The following RAB11FIP1 variants were observed in gnomAD, a reference collection of about 807,000 sequenced individuals.
RAB11FIP1 encodes rab11 family-interacting protein 1.
In RAB11FIP1, 49 loss-of-function variants were observed where a neutral mutation model predicts 83.1. The ratio of observed to expected loss-of-function variants is 0.59; its 90% CI spans 0.47 to 0.75. The LOEUF (loss-of-function observed/expected upper bound fraction) is 0.75, where lower values mean the gene tolerates loss of function less well. Among genes scored for constraint, RAB11FIP1 ranks in the 30% least tolerant of loss-of-function variants. The pLI is 0.00. For missense variants in RAB11FIP1, 1,536 were observed against 1,598.7 expected (o/e 0.96, Z 0.67); for synonymous variants, 670 against 656.0 (o/e 1.02, Z -0.33).
intron 1 of RAB11FIP1, chr8:37,877,842 C>T (rs1806649990): frequency 3.7e-6 from 1 of 267,942 alleles, no homozygotes. Flanking sequence ...GCCTCAGCCT[C>T]CTGAGTAGCT....
At chr8:37,876,262 GAAGA>G (rs1554531493) in intron 2 of RAB11FIP1, among the ~76,000 whole-genome samples, 11 of 138,278 alleles carry the variant, frequency 8.0e-5, no homozygotes, top group East Asian at 4.2e-4. Context: ...AGGAAGGAAG[GAAGA>G]AAGAAGGAAA....
intron 1 of RAB11FIP1, 96 bp from the exon 2 acceptor site, chr8:37,877,647 C>T (rs1313307456): frequency 1.4e-6 from 1 of 737,856 alleles, no homozygotes; most frequent in Non-Finnish European, 2.3e-6. Context: ...CTGCTACCAG[C>T]AGCCTCTTCA....
At chr8:37,891,732 C>T (rs1806950697) in intron 1 of RAB11FIP1, among the ~76,000 whole-genome samples, 1 of 152,128 alleles carries the variant, frequency 6.6e-6, no homozygotes. Flanking sequence ...GGTTCACTTA[C>T]TTGAGAATTT....
chr8:37,873,276 G>A (rs571668423), intron 3 of RAB11FIP1, 97 bp from the exon 4 acceptor site: 36 of 1,321,040 alleles, frequency 2.7e-5, no homozygotes, highest in Middle Eastern at 5.4e-4. Flanking sequence ...AGGGGAGAAC[G>A]TCTTTACACG....
chr8:37,898,264 A>T (rs1278649166), intron 1 of RAB11FIP1, among the ~76,000 whole-genome samples: 1 of 152,002 alleles, frequency 6.6e-6, no homozygotes, highest in Non-Finnish European at 1.5e-5. Context: ...TAATCCCAAT[A>T]CTTTGGGAGG....
intron 1 of RAB11FIP1, among the ~76,000 whole-genome samples, chr8:37,878,911 G>A (rs1806679236): frequency 1.3e-5 from 2 of 152,056 alleles, no homozygotes; most frequent in African/African-American, 4.8e-5. Context: ...CTAGGAATTC[G>A]AGGCTGCAGT....
At chr8:37,873,472 G>T (rs1425853756) in intron 3 of RAB11FIP1, among the ~76,000 whole-genome samples, 2 of 152,124 alleles carry the variant, frequency 1.3e-5, no homozygotes, top group African/African-American at 4.8e-5. Flanking sequence ...CGGGTGTGGT[G>T]GTGTGCACCT....
chr8:37,881,993 A>G (rs1027062858), intron 1 of RAB11FIP1, among the ~76,000 whole-genome samples: 27 of 152,200 alleles, frequency 1.8e-4, no homozygotes, highest in African/African-American at 6.0e-4. Flanking sequence ...AGCTTTTGTA[A>G]ATACCAGTTG....
At chr8:37,875,709 C>T (rs1806593066) in intron 2 of RAB11FIP1, among the ~76,000 whole-genome samples, 1 of 152,008 alleles carries the variant, frequency 6.6e-6, no homozygotes, top group South Asian at 2.1e-4. Flanking sequence ...TCTGATAAGG[C>T]TATATCCCAC....
intron 1 of RAB11FIP1, among the ~76,000 whole-genome samples, chr8:37,887,570 T>A (rs1386873074): frequency 3.3e-5 from 5 of 151,438 alleles, no homozygotes; most frequent in Admixed American, 2.0e-4. Flanking sequence ...CTCAGTCCCA[T>A]GCTAATCTGA....
intron 3 of RAB11FIP1, among the ~76,000 whole-genome samples, chr8:37,873,895 G>A (rs1029301133): frequency 6.6e-6 from 1 of 150,782 alleles, no homozygotes; most frequent in Non-Finnish European, 1.5e-5. Context: ...GTGTGTGCAT[G>A]TCAAAGTAAG....
chr8:37,898,048 TC>T (rs1167058111), intron 1 of RAB11FIP1, among the ~76,000 whole-genome samples: 1 of 152,216 alleles, frequency 6.6e-6, no homozygotes, highest in Non-Finnish European at 1.5e-5. Context: ...GAAGTGTTCT[TC>T]TATTCAGTGA....
At chr8:37,873,224 T>G (rs771313802) in intron 3 of RAB11FIP1, 45 bp from the exon 4 acceptor site, 33 of 1,505,464 alleles carry the variant, frequency 2.2e-5, no homozygotes, top group African/African-American at 4.2e-5. Context: ...TGCAGATGCA[T>G]CACGAGAGAC....
intron 1 of RAB11FIP1, chr8:37,878,202 C>T (rs533526211): frequency 2.6e-5 from 4 of 152,006 alleles, no homozygotes; most frequent in African/African-American, 9.6e-5. Context: ...TCCATGGAAT[C>T]ACTTCCGATG....
chr8:37,877,986 T>C, intron 1 of RAB11FIP1: 1 of 156,044 alleles, frequency 6.4e-6, no homozygotes, highest in Non-Finnish European at 1.4e-5. Context: ...TCCCAAAATG[T>C]TGGGATTACA....
At position 37,873,015 on chromosome 8, in the gene RAB11FIP1, G is replaced by T; in HGVS notation, c.1787C>A (p.Ser596Tyr). 6.2e-7 allele frequency: 1 copy of T among 1,613,576 alleles called. No individual in the cohort carries two copies. The highest frequency in any genetic ancestry group is 1.1e-5 in the South Asian group (1 of 91,074). ...AGCTGCTATGGGAGATGAGAGAGAG[G>T]AGAAGACAGAAGGACTCTCAGAGGA... is the stretch of plus-strand genomic sequence containing the variant. ...TQSSESPSVFSSLSSPIAAPI... is the reference protein window; with the variant it reads ...TQSSESPSVFYSLSSPIAAPI... Residue 596 changes from serine (S) to tyrosine (Y), a missense_variant, in exon 4 of 6, where the codon TCC becomes TAC. Ser to Tyr is a moderately radical substitution (Grantham distance 144, BLOSUM62 -2). Coordinates refer to ENST00000330843, the MANE Select transcript of RAB11FIP1 (RefSeq NM_001002814.3).
chr8:37,874,703 C>T lies in RAB11FIP1; in HGVS notation c.1434G>A (p.Gly478=), dbSNP rs1254771197. ...MGVKPGEDAS[G]PAEDLVRRSE... is the part of the protein sequence containing the mutation. ...ATCTTCTCACAAGGTCTTCAGCAGG[C>T]CCCGATGCGTCCTCCCCCGGCTTAA... The change falls in exon 3 of 6, where the codon GGG becomes GGA. Residue 478 remains glycine (G), a synonymous_variant. Coordinates refer to ENST00000330843, the MANE Select transcript of RAB11FIP1 (RefSeq NM_001002814.3). 1.9e-6 allele frequency: 3 copies of T among 1,614,100 alleles called. No individual in the cohort carries two copies. The highest frequency in any genetic ancestry group is 8.5e-7 in the Non-Finnish European group (1 of 1,180,046).
chr8:37,870,735 G>A (rs1335257668), intron 4 of RAB11FIP1: 5 of 498,106 alleles, frequency 1.0e-5, no homozygotes, highest in Admixed American at 3.6e-5. Flanking sequence ...AGCCAGGAAA[G>A]CATGTCCTTG....
In RAB11FIP1 at chr8:37,870,941, G is replaced by T. The variant is rs117043750; in HGVS notation, c.3524+337C>A. The T allele has an allele frequency of 3.6e-3, 1,093 of 306,116 alleles. 4 individuals carry two copies. Among genetic ancestry groups the T allele is most frequent in the Admixed American group, 9.4e-3 (200 of 21,184 alleles). 19.0% of individuals were successfully genotyped at this position (306,116 alleles called of 1,614,324 possible). On this transcript the variant is annotated intron_variant, in intron 4 of 5. Coordinates refer to ENST00000330843, the MANE Select transcript of RAB11FIP1 (RefSeq NM_001002814.3). ...TTCACGTTGGGGAGTGCTTGAAGAAGTTTTTGACACTGCTAGATACTACTA... is the reference window on the plus strand; with the variant it reads ...TTCACGTTGGGGAGTGCTTGAAGAATTTTTTGACACTGCTAGATACTACTA...
Sources: allele counts gnomAD v4.1 joint callset (sites outside exome capture counted in the v4.1 genomes callset), GRCh38; gene constraint gnomAD v4.1.1; transcripts MANE v1.5; gene names NCBI Gene and HGNC (gene_info 2026-07-23, HGNC 2026-07-21).